MAU2: variants seen among roughly 807,000 people sequenced by gnomAD.
The protein encoded by MAU2 is MAU2 sister chromatid cohesion factor.
A neutral mutation model predicts 89.1 loss-of-function variants in MAU2; 9 were observed. The ratio of observed to expected loss-of-function variants is 0.10; its 90% CI spans 0.06 to 0.18. The LOEUF (loss-of-function observed/expected upper bound fraction) is 0.18, where lower values mean the gene tolerates loss of function less well. Among genes scored for constraint, MAU2 ranks in the 10% least tolerant of loss-of-function variants. MAU2 has a pLI of 1.00. For synonymous variants in MAU2, 357 were observed against 343.4 expected (o/e 1.04, Z -0.44); for missense variants, 425 against 803.5 (o/e 0.53, Z 5.69).
Position 19,345,448 on chromosome 19 carries a change from C to A in MAU2, c.1221+79C>A. 1 of 1,398,452 alleles carries A rather than the reference C, an allele frequency of 7.2e-7. No individual in the cohort carries two copies. The highest frequency in any genetic ancestry group is 1.0e-6 in the Non-Finnish European group (1 of 993,762). 86.6% of individuals were successfully genotyped at this position (1,398,452 alleles called of 1,614,324 possible). A position where few individuals can be genotyped will look rare whatever the true frequency, so the allele number is the denominator to read the frequency against. ...AGTCGGGCGTGGTCTGTGATGAGGACAGCAGTCGCGCTAGGTCAGCTATGC... is the reference window on the plus strand; with the variant it reads ...AGTCGGGCGTGGTCTGTGATGAGGAAAGCAGTCGCGCTAGGTCAGCTATGC... On this transcript the variant is annotated intron_variant, in intron 12 of 18. Transcript: ENST00000262815. This position sits in a 1 kb window ranked among gnomAD's most constrained non-coding sequence, Gnocchi z 4.9.
intron 18 of MAU2, 77 bp from the exon 19 acceptor site, chr19:19,355,631 G>A (rs1321202560): frequency 1.5e-6 from 2 of 1,361,228 alleles, no homozygotes; most frequent in East Asian, 2.3e-5. Context: ...AGCAGCCCAA[G>A]GAAGGCAGCA....
chr19:19,333,096 A>G (rs1213519201), intron 1 of MAU2, among the ~76,000 whole-genome samples: 1 of 151,134 alleles, frequency 6.6e-6, no homozygotes, highest in East Asian at 2.0e-4. Context: ...AAAAGAAGAG[A>G]TGTCCATGGG....
At chr19:19,342,123 C>T (rs2061653708) in intron 7 of MAU2, among the ~76,000 whole-genome samples, 1 of 152,148 alleles carries the variant, frequency 6.6e-6, no homozygotes, top group Non-Finnish European at 1.5e-5. Flanking sequence ...AGACATCCCT[C>T]GGGGCCTCAG....
At chr19:19,342,503 C>G (rs757796542) in intron 7 of MAU2, 32 bp from the exon 8 acceptor site, 18 of 1,529,384 alleles carry the variant, frequency 1.2e-5, no homozygotes, top group Non-Finnish European at 1.5e-5. Context: ...AGGCCAGGCT[C>G]AGGTGGATGC....
chr19:19,340,716 CTGTTCTCTGTT>C, intron 5 of MAU2, 119 bp from the exon 6 acceptor site: 1 of 670,792 alleles, frequency 1.5e-6, no homozygotes. Context: ...TGTAAGGGGA[CTGTTCTCTGTT>C]GTCCACTGAA....
In MAU2 at chr19:19,326,700, A is replaced by G. The variant is rs34191220; in HGVS notation, c.276+5565A>G. 5.5e-5 allele frequency among the ~76,000 whole-genome samples: 6 copies of G among 108,852 alleles called. 1 individual carries two copies. The highest frequency in any genetic ancestry group is 2.1e-4 in the Admixed American group (2 of 9,324). The allele number at this position is 108,852 out of a possible 152,430, so 71.4% of individuals were successfully genotyped here. A position where few individuals can be genotyped will look rare whatever the true frequency, so the allele number is the denominator to read the frequency against. On this transcript the variant is annotated intron_variant, in intron 1 of 18. Transcript: ENST00000262815. ...GACTGTCTCAAAAAAAAATATATAT[A>G]TGTATATATATATATATATACATAT...
At chr19:19,324,042 GC>G (rs1426073927) in intron 1 of MAU2, among the ~76,000 whole-genome samples, 1 of 152,180 alleles carries the variant, frequency 6.6e-6, no homozygotes, top group Non-Finnish European at 1.5e-5. Flanking sequence ...TATTTTTGGT[GC>G]CGGGGGATCA....
At chr19:19,343,726 G>T in intron 9 of MAU2, 111 bp from the exon 10 acceptor site, 1 of 750,240 alleles carries the variant, frequency 1.3e-6, no homozygotes, top group Non-Finnish European at 2.4e-6. Context: ...ATGACGGGGT[G>T]GGTGCCTAGC....
At chr19:19,340,266 T>C (rs1020131653) in intron 5 of MAU2, among the ~76,000 whole-genome samples, 1 of 134,996 alleles carries the variant, frequency 7.4e-6, no homozygotes, top group African/African-American at 2.8e-5. Flanking sequence ...CCGGGAAGCA[T>C]AGGTTGCAGT....
chr19:19,328,875 AT>A (rs1415114531), intron 1 of MAU2, among the ~76,000 whole-genome samples: 4 of 152,080 alleles, frequency 2.6e-5, no homozygotes, highest in African/African-American at 9.6e-5. Flanking sequence ...CCAGGCAGTC[AT>A]TCTTTGAACA....
At chr19:19,323,793 A>G (rs527940447) in intron 1 of MAU2, among the ~76,000 whole-genome samples, 2 of 152,326 alleles carry the variant, frequency 1.3e-5, no homozygotes, top group African/African-American at 2.4e-5. Context: ...GTGGAAGGCA[A>G]CTTTAGTCCT....
Position 19,320,839 on chromosome 19 carries a change from C to CTTG in MAU2, c.-13_-11dup, listed in dbSNP as rs1417662491. On this transcript the variant is annotated 5_prime_UTR_variant, in exon 1 of 19. Coordinates refer to ENST00000262815, the MANE Select transcript of MAU2 (RefSeq NM_015329.4). ...TGCTTCCGCCTCCCTGTGGCGGCGG[C>CTTG]TTGTTGTTGTGGAGGCCAAAATGGC... 1 of 1,502,062 alleles carries CTTG rather than the reference C, an allele frequency of 6.7e-7. No individual in the cohort carries two copies. Among genetic ancestry groups the CTTG allele is most frequent in the Non-Finnish European group, 8.8e-7 (1 of 1,138,698 alleles). 93.0% of individuals were successfully genotyped at this position (1,502,062 alleles called of 1,614,324 possible).
At chr19:19,340,255 C>T (rs1006964918) in intron 5 of MAU2, among the ~76,000 whole-genome samples, 1 of 151,524 alleles carries the variant, frequency 6.6e-6, no homozygotes, top group Non-Finnish European at 1.5e-5. Context: ...ATCGCTTGAA[C>T]CCGGGAAGCA....
chr19:19,335,084 T>G (rs1160561527), intron 1 of MAU2, among the ~76,000 whole-genome samples: 1 of 152,202 alleles, frequency 6.6e-6, no homozygotes, highest in Non-Finnish European at 1.5e-5. Context: ...TAGGGCACAG[T>G]GGTCCCTGAG....
Position 19,337,184 on chromosome 19 carries a change from A to G in MAU2, c.375A>G (p.Ala125=). The change falls in exon 4 of 19, where the codon GCA becomes GCG. Residue 125 remains alanine, a synonymous_variant. Transcript: ENST00000262815. ...TTTCCTTTCAGAATTCCGTTGATGC[A>G]GCAAAGCCGCTGCTGCGGAAGGCGA... ...ELYCQENSVD[A]AKPLLRKAIQ... The G allele has an allele frequency of 6.2e-7, 1 of 1,612,496 alleles. No homozygotes were observed. Among genetic ancestry groups the G allele is most frequent in the South Asian group, 1.1e-5 (1 of 91,042 alleles).
chr19:19,348,769 C>T (rs1342292755), intron 13 of MAU2, 120 bp from the exon 14 acceptor site: 6 of 1,093,840 alleles, frequency 5.5e-6, no homozygotes, highest in Non-Finnish European at 8.4e-6. Flanking sequence ...TCACCAGGCT[C>T]AGCCTGGAGG....
At chr19:19,328,817 C>A (rs1568650589) in intron 1 of MAU2, among the ~76,000 whole-genome samples, 1 of 152,148 alleles carries the variant, frequency 6.6e-6, no homozygotes, top group African/African-American at 2.4e-5. Flanking sequence ...TGAAAGCCAC[C>A]CAGGACTAAA....
chr19:19,349,133 T>G (rs770460842), intron 14 of MAU2, 22 bp from the exon 15 acceptor site: 1 of 1,613,742 alleles, frequency 6.2e-7, no homozygotes, highest in Non-Finnish European at 8.5e-7. Context: ...CCACCCCATG[T>G]GATACTGCAC....
rs117014632 is a variant in MAU2, at chr19:19,338,408, T to C, written c.457-437T>C. Among the ~76,000 whole-genome samples the C allele has an allele frequency of 5.9e-4, 90 of 152,360 alleles. 1 individual carries two copies. In the East Asian group the frequency reaches 0.017, roughly 29 times the overall value. ...TTGCCTTGCAGGGTCAAGCCAGGCATGTGCCTCCCTTTCAGCCTGTTCAGA... is the reference window on the plus strand; with the variant it reads ...TTGCCTTGCAGGGTCAAGCCAGGCACGTGCCTCCCTTTCAGCCTGTTCAGA... On this transcript the variant is annotated intron_variant, in intron 4 of 18. Transcript: ENST00000262815.
Sources: allele counts gnomAD v4.1 joint callset (sites outside exome capture counted in the v4.1 genomes callset), GRCh38; gene constraint gnomAD v4.1.1; non-coding constraint Gnocchi (gnomAD v3.1); transcripts MANE v1.5; gene names NCBI Gene and HGNC (gene_info 2026-07-23, HGNC 2026-07-21).